FSTL4: variants seen among roughly 807,000 people sequenced by gnomAD.
The protein encoded by FSTL4 is follistatin-related protein 4.
In FSTL4, 28 loss-of-function variants were observed where a neutral mutation model predicts 78.2. The observed-to-expected ratio is 0.36, with a 90% confidence interval of 0.27 to 0.49. FSTL4 has a LOEUF of 0.49. Ranked by LOEUF, FSTL4 falls within the 20% of genes least tolerant of loss-of-function variation. FSTL4 has a pLI of 0.98. For synonymous variants in FSTL4, 422 were observed against 440.5 expected (o/e 0.96, Z 0.53); for missense variants, 922 against 1,084.9 (o/e 0.85, Z 2.11).
chr5:133,660,353 G>A, the FSTL4 span, among the ~76,000 whole-genome samples: 116 of 152,258 alleles, frequency 7.6e-4, no homozygotes, highest in Non-Finnish European at 1.1e-3. Context: ...AACCCAGCCC[G>A]GTCCATGGGA....
intron 3 of FSTL4, among the ~76,000 whole-genome samples, chr5:133,421,156 T>G (rs1756684031): frequency 6.6e-6 from 1 of 152,202 alleles, no homozygotes; most frequent in East Asian, 1.9e-4. Flanking sequence ...GAGGCAATGG[T>G]TGGGCCCACA....
chr5:133,595,204 C>T (rs901829796), intron 2 of FSTL4, among the ~76,000 whole-genome samples: 6 of 152,154 alleles, frequency 3.9e-5, no homozygotes, highest in Non-Finnish European at 1.5e-5. Flanking sequence ...AGTCAGGGTC[C>T]CACCTGTTCC....
At chr5:133,369,633 C>T (rs1246506558) in intron 4 of FSTL4, among the ~76,000 whole-genome samples, 1 of 152,210 alleles carries the variant, frequency 6.6e-6, no homozygotes, top group African/African-American at 2.4e-5. Context: ...CAGGCACCTA[C>T]TTTCTTATTC....
At chr5:133,319,254 G>A (rs1006325344) in intron 4 of FSTL4, among the ~76,000 whole-genome samples, 8 of 152,204 alleles carry the variant, frequency 5.3e-5, no homozygotes, top group Admixed American at 1.3e-4. Context: ...TGGGGGAAAG[G>A]GGTGGGCCCT....
chr5:133,736,915 CA>C, the FSTL4 span, among the ~76,000 whole-genome samples: 1 of 151,934 alleles, frequency 6.6e-6, no homozygotes, highest in African/African-American at 2.4e-5. Flanking sequence ...CCACAGAGAA[CA>C]AGGGGATCTT....
the FSTL4 span, among the ~76,000 whole-genome samples, chr5:133,779,709 C>T: frequency 3.9e-5 from 6 of 152,308 alleles, no homozygotes; most frequent in South Asian, 1.0e-3. Flanking sequence ...GCCTACAAGG[C>T]CCCAGATGAC....
intron 6 of FSTL4, among the ~76,000 whole-genome samples, chr5:133,277,984 CG>C (rs1433857990): frequency 2.6e-5 from 4 of 152,138 alleles, no homozygotes; most frequent in Non-Finnish European, 4.4e-5. Flanking sequence ...AGCTCAGTCC[CG>C]TGGCCTGGAA....
At chr5:133,497,447 A>T (rs1268035162) in intron 3 of FSTL4, among the ~76,000 whole-genome samples, 7 of 152,206 alleles carry the variant, frequency 4.6e-5, no homozygotes, top group African/African-American at 1.7e-4. Flanking sequence ...ATAGCTGCTG[A>T]GAGTATTTTT....
At position 133,349,303 on chromosome 5, in the gene FSTL4, G is replaced by C. The variant is rs913033060; in HGVS notation, c.410-32651C>G. The stretch of plus-strand genomic sequence containing the variant: ...GTTGAAAGCCTCTCTCTCTGTGTGT[G>C]TGTGTGTGTGTGTGTGTGTGTGTGT... On this transcript the variant is annotated intron_variant, in intron 4 of 15. Coordinates refer to ENST00000265342, the MANE Select transcript of FSTL4 (RefSeq NM_015082.2). Among the ~76,000 whole-genome samples, 520 of 140,442 alleles carry C rather than the reference G, an allele frequency of 3.7e-3. 4 individuals carry two copies. Among genetic ancestry groups the C allele is most frequent in the African/African-American group, 0.011 (384 of 34,628 alleles). 92.1% of individuals were successfully genotyped at this position (140,442 alleles called of 152,430 possible).
At chr5:133,441,006 G>C (rs768167270) in intron 3 of FSTL4, among the ~76,000 whole-genome samples, 10 of 152,160 alleles carry the variant, frequency 6.6e-5, no homozygotes, top group Non-Finnish European at 1.2e-4. Context: ...CTGGCTTGGG[G>C]CAGTCTTGAT....
At chr5:133,708,020 C>T in the FSTL4 span, among the ~76,000 whole-genome samples, 2 of 149,884 alleles carry the variant, frequency 1.3e-5, no homozygotes, top group Non-Finnish European at 2.9e-5. Context: ...AACTCCAATG[C>T]TTGGAACAGA....
the FSTL4 span, among the ~76,000 whole-genome samples, chr5:133,803,371 G>A: frequency 6.6e-6 from 1 of 152,208 alleles, no homozygotes; most frequent in Non-Finnish European, 1.5e-5. Flanking sequence ...CCAGGCAACA[G>A]TAAGCTAGAA....
At chr5:133,300,200 C>G (rs1273715952) in intron 6 of FSTL4, among the ~76,000 whole-genome samples, 1 of 152,300 alleles carries the variant, frequency 6.6e-6, no homozygotes, top group East Asian at 1.9e-4. Context: ...CTACTCTGCT[C>G]CCTCTGCACT....
At chr5:133,446,582 C>T (rs1203974432) in intron 3 of FSTL4, among the ~76,000 whole-genome samples, 1 of 152,184 alleles carries the variant, frequency 6.6e-6, no homozygotes, top group Non-Finnish European at 1.5e-5. Context: ...GGTTCCTAAC[C>T]AACTATCAGG....
At chr5:133,394,443 T>G (rs1755944529) in intron 4 of FSTL4, among the ~76,000 whole-genome samples, 1 of 152,172 alleles carries the variant, frequency 6.6e-6, no homozygotes. Context: ...GGCCCTGCAC[T>G]CACAGCGGCC....
intron 2 of FSTL4, among the ~76,000 whole-genome samples, chr5:133,589,697 G>A (rs1250163434): frequency 3.3e-5 from 5 of 152,100 alleles, no homozygotes; most frequent in African/African-American, 1.2e-4. Context: ...AGGAGGAGGG[G>A]ATGCCTCCTC....
At chr5:133,835,370 A>G in the FSTL4 span, among the ~76,000 whole-genome samples, 1 of 152,154 alleles carries the variant, frequency 6.6e-6, no homozygotes, top group African/African-American at 2.4e-5. Flanking sequence ...CAATTTGCTG[A>G]CTGATATAAA....
chr5:133,629,341 A>G, the FSTL4 span, among the ~76,000 whole-genome samples: 1 of 152,200 alleles, frequency 6.6e-6, no homozygotes, highest in Non-Finnish European at 1.5e-5. Context: ...AGAAATACAA[A>G]CTACCATCAG....
Position 133,611,435 on chromosome 5 carries a change from G to T in FSTL4, c.-11+890C>A, listed in dbSNP as rs1761090080. Among the ~76,000 whole-genome samples the T allele has an allele frequency of 6.6e-6, 1 of 152,198 alleles. No individual in the cohort carries two copies. The highest frequency in any genetic ancestry group is 1.5e-5 in the Non-Finnish European group (1 of 68,034). ...AGCGTCAGCTCGTCCCCAAACTCGAGGCGACAGGCGCCGAAAGCAGAGTGC... is the reference window on the plus strand; with the variant it reads ...AGCGTCAGCTCGTCCCCAAACTCGATGCGACAGGCGCCGAAAGCAGAGTGC... On this transcript the variant is annotated intron_variant, in intron 1 of 15. Coordinates refer to ENST00000265342, the MANE Select transcript of FSTL4 (RefSeq NM_015082.2). The surrounding 1 kb of genome is among the most constrained non-coding windows in gnomAD (Gnocchi z 4.9).
Sources: allele counts gnomAD v4.1 joint callset (sites outside exome capture counted in the v4.1 genomes callset), GRCh38; gene constraint gnomAD v4.1.1; non-coding constraint Gnocchi (gnomAD v3.1); transcripts MANE v1.5; gene names NCBI Gene and HGNC (gene_info 2026-07-23, HGNC 2026-07-21).